PCSK6: variants seen among roughly 807,000 people sequenced by gnomAD.
The protein encoded by PCSK6 is proprotein convertase subtilisin/kexin type 6.
In PCSK6, 85 loss-of-function variants were observed where a neutral mutation model predicts 123.3. That is an observed-to-expected ratio of 0.69 (90% CI 0.58 to 0.83). PCSK6 has a LOEUF of 0.83. Ranked by LOEUF, PCSK6 falls within the 40% of genes least tolerant of loss-of-function variation. The pLI is 0.00. For synonymous variants in PCSK6, 508 were observed against 516.0 expected, an observed-to-expected ratio of 0.98 and a Z score of 0.21; for missense variants, 1,191 against 1,282.3, an observed-to-expected ratio of 0.93 and a Z score of 1.09.
At chr15:101,315,958 G>A (rs1419008563) in intron 19 of PCSK6, among the ~76,000 whole-genome samples, 1 of 152,252 alleles carries the variant, frequency 6.6e-6, no homozygotes, top group African/African-American at 2.4e-5. Flanking sequence ...GGTGGGGACA[G>A]ATTCCGCCAT....
intron 18 of PCSK6, among the ~76,000 whole-genome samples, chr15:101,319,524 T>C (rs1309918641): frequency 6.6e-6 from 1 of 152,266 alleles, no homozygotes; most frequent in South Asian, 2.1e-4. Flanking sequence ...GGGCAGCCTC[T>C]AGACAGGGGC....
chr15:101,318,154 C>G (rs976211789), intron 19 of PCSK6, among the ~76,000 whole-genome samples, 165 bp downstream of exon 19: 1 of 152,268 alleles, frequency 6.6e-6, no homozygotes, highest in Non-Finnish European at 1.5e-5. Context: ...CCCACTCTCC[C>G]GGCCCCCAGT....
chr15:101,332,926 G>GT lies in PCSK6; in HGVS notation c.1859-896dup, dbSNP rs1373740820. Among the ~76,000 whole-genome samples the GT allele has an allele frequency of 3.9e-5, 6 of 152,306 alleles. No individual in the cohort carries two copies. The South Asian group carries it at 1.2e-3, about 32-fold the overall frequency. ...TATAAACAGTCCCCAATTTATGACA[G>GT]TTTGACTTACAATTTTTTGACTTTA... On this transcript the variant is annotated intron_variant, in intron 13 of 21. Transcript: ENST00000611716.
Position 101,431,497 on chromosome 15 carries a change from A to G in PCSK6, c.514-34T>C, listed in dbSNP as rs149165649. On this transcript the variant is annotated intron_variant, in intron 3 of 21. Coordinates refer to ENST00000611716, the MANE Select transcript of PCSK6 (RefSeq NM_002570.5). ...ACGAAAGACACAAAGTCCCCCCGACATGGACATTCCAGATGCAGAACTGAC... is the reference window on the plus strand; with the variant it reads ...ACGAAAGACACAAAGTCCCCCCGACGTGGACATTCCAGATGCAGAACTGAC... The G allele has an allele frequency of 1.1e-3, 1,737 of 1,612,682 alleles. 17 individuals carry two copies. In the African/African-American group the frequency reaches 0.021, roughly 19 times the overall value.
At chr15:101,390,076 C>T (rs894327945) in intron 8 of PCSK6, among the ~76,000 whole-genome samples, 2 of 137,214 alleles carry the variant, frequency 1.5e-5, no homozygotes, top group Admixed American at 1.5e-4. Flanking sequence ...GCCAGTAGGT[C>T]ATAAGCTGGG....
At chr15:101,408,436 G>A (rs916998245) in intron 6 of PCSK6, among the ~76,000 whole-genome samples, 1 of 152,214 alleles carries the variant, frequency 6.6e-6, no homozygotes, top group Non-Finnish European at 1.5e-5. Context: ...ATTCTCTGCG[G>A]GTGTCTGCAG....
rs1471075785 is a variant in PCSK6 at position 101,318,368 on chromosome 15, T to C, written c.2520A>G (p.Ser840=). ...GGCATTCCCCACATCTGATCAGCTC[T>C]GAGTCAAAGTAGGTGCCTGGCTCAC... ...PDCEPGTYFD[S]ELIRCGECHH... The change falls in exon 19 of 22, where the codon TCA becomes TCG. Residue 840 remains serine (S), a synonymous_variant. Transcript: ENST00000611716. The C allele has an allele frequency of 1.3e-6, 2 of 1,566,514 alleles. No individual in the cohort carries two copies. Among genetic ancestry groups the C allele is most frequent in the Non-Finnish European group, 1.7e-6 (2 of 1,155,586 alleles).
At chr15:101,399,071 T>C (rs964605783) in intron 6 of PCSK6, among the ~76,000 whole-genome samples, 1 of 152,044 alleles carries the variant, frequency 6.6e-6, no homozygotes, top group African/African-American at 2.4e-5. Context: ...CCTGGCTAAC[T>C]TTTATTTTTA....
At chr15:101,394,367 A>G (rs1318730404) in intron 7 of PCSK6, among the ~76,000 whole-genome samples, 1 of 152,180 alleles carries the variant, frequency 6.6e-6, no homozygotes, top group Admixed American at 6.5e-5. Context: ...GCTCCGCTCT[A>G]TCCCATACCC....
intron 1 of PCSK6, among the ~76,000 whole-genome samples, chr15:101,457,848 G>C (rs56724318): frequency 6.6e-6 from 1 of 152,060 alleles, no homozygotes; most frequent in African/African-American, 2.4e-5. Context: ...ATGAGCCTGC[G>C]CTATCTGTCC....
At position 101,418,544 on chromosome 15, in the gene PCSK6, CAA is replaced by C. The variant is rs749470201; in HGVS notation, c.823+9346_823+9347del. Among the ~76,000 whole-genome samples, 45 of 138,688 alleles carry C rather than the reference CAA, an allele frequency of 3.2e-4. No individual in the cohort carries two copies. The South Asian group carries it at 5.7e-3, about 18-fold the overall frequency. The allele number at this position is 138,688 out of a possible 152,430, so 91.0% of individuals were successfully genotyped here. A position where few individuals can be genotyped will look rare whatever the true frequency, so the allele number is the denominator to read the frequency against. On this transcript the variant is annotated intron_variant, in intron 6 of 21. Transcript: ENST00000611716. ...GATTTTTTTTTTTTTTTTTTTGAGG[CAA>C]AGTCTTACAGGGCTGCAGTGCAGTG...
intron 1 of PCSK6, among the ~76,000 whole-genome samples, chr15:101,486,027 G>A (rs909379446): frequency 4.7e-5 from 7 of 148,168 alleles, no homozygotes; most frequent in Non-Finnish European, 1.0e-4. Context: ...GCAATGGTGC[G>A]GTCTCGGTTC....
rs1293724963 is a variant in PCSK6 at position 101,305,167 on chromosome 15, G to A, written c.*91C>T. Reference sequence around the variant, plus strand: ...ATAAAGCTGTCAGGTGCAGGGCGCCGCTCCTGAAACAGACTCTGGCCGACA... The same window carrying A: ...ATAAAGCTGTCAGGTGCAGGGCGCCACTCCTGAAACAGACTCTGGCCGACA... On this transcript the variant is annotated 3_prime_UTR_variant, in exon 22 of 22. Coordinates refer to ENST00000611716, the MANE Select transcript of PCSK6 (RefSeq NM_002570.5). This position sits in a 1 kb window ranked among gnomAD's most constrained non-coding sequence, Gnocchi z 4.8. 2.8e-6 allele frequency: 3 copies of A among 1,086,536 alleles called. No homozygotes were observed. Among genetic ancestry groups the A allele is most frequent in the Non-Finnish European group, 4.1e-6 (3 of 737,498 alleles). The allele number at this position is 1,086,536 out of a possible 1,614,324, so 67.3% of individuals were successfully genotyped here. A position where few individuals can be genotyped will look rare whatever the true frequency, so the allele number is the denominator to read the frequency against.
intron 21 of PCSK6, among the ~76,000 whole-genome samples, chr15:101,306,222 C>G (rs765446609): frequency 6.6e-6 from 1 of 152,032 alleles, no homozygotes; most frequent in Non-Finnish European, 1.5e-5. Context: ...ATGCATCATC[C>G]GTGGACCTGG....
chr15:101,323,732 A>AT (rs1405761176), intron 17 of PCSK6, among the ~76,000 whole-genome samples: 150 of 14,418 alleles, frequency 0.01, no homozygotes, highest in African/African-American at 0.033. Flanking sequence ...CTCCATCTCG[A>AT]AAAAAAAAAA....
chr15:101,484,563 A>G (rs548528813), intron 1 of PCSK6, among the ~76,000 whole-genome samples: 2 of 151,488 alleles, frequency 1.3e-5, no homozygotes, highest in Admixed American at 6.6e-5. Flanking sequence ...TAATTTTCAT[A>G]TTTTTTTAGT....
intron 6 of PCSK6, among the ~76,000 whole-genome samples, chr15:101,425,268 A>G (rs2412015): frequency 0.7 from 106,520 of 152,048 alleles, 37,433 homozygotes; most frequent in East Asian, 0.76. Flanking sequence ...CCAAGGATCC[A>G]GTGATAGCCA....
At chr15:101,353,561 C>T (rs970749492) in intron 13 of PCSK6, among the ~76,000 whole-genome samples, 2 of 152,360 alleles carry the variant, frequency 1.3e-5, no homozygotes, top group African/African-American at 4.8e-5. Flanking sequence ...TCAGCAGCAA[C>T]ATTCCTCAAC....
At chr15:101,383,120 G>A (rs1019275389) in intron 10 of PCSK6, among the ~76,000 whole-genome samples, 1 of 152,126 alleles carries the variant, frequency 6.6e-6, no homozygotes, top group Non-Finnish European at 1.5e-5. Flanking sequence ...AAGAAGTCAG[G>A]CAAACAGGTC....
Sources: allele counts gnomAD v4.1 joint callset (sites outside exome capture counted in the v4.1 genomes callset), GRCh38; gene constraint gnomAD v4.1.1; non-coding constraint Gnocchi (gnomAD v3.1); transcripts MANE v1.5; gene names NCBI Gene and HGNC (gene_info 2026-07-23, HGNC 2026-07-21).